ATRNL1: variants seen among roughly 807,000 people sequenced by gnomAD.
ATRNL1 encodes attractin-like protein 1.
A neutral mutation model predicts 182.7 loss-of-function variants in ATRNL1; 95 were observed. That is an observed-to-expected ratio of 0.52 (90% CI 0.44 to 0.62). The LOEUF is 0.62. Among genes scored for constraint, ATRNL1 ranks in the 20% least tolerant of loss-of-function variants. The pLI is 0.00. For synonymous variants in ATRNL1, 576 were observed against 568.3 expected, an observed-to-expected ratio of 1.01 and a Z score of -0.19; for missense variants, 1,471 against 1,679.5, an observed-to-expected ratio of 0.88 and a Z score of 2.17.
intron 20 of ATRNL1, among the ~76,000 whole-genome samples, chr10:115,415,007 G>A (rs1358566861): frequency 6.6e-6 from 1 of 151,936 alleles, no homozygotes; most frequent in African/African-American, 2.4e-5. Flanking sequence ...GAATAAACTC[G>A]TATGTATGTA....
chr10:115,868,828 T>TTTTTTTTTTTG (rs1951502810), intron 28 of ATRNL1, among the ~76,000 whole-genome samples: 1 of 96,620 alleles, frequency 1.0e-5, no homozygotes, highest in Non-Finnish European at 2.3e-5. Flanking sequence ...TATTCTTTTT[T>TTTTTTTTTTTG]TTTTTTTTTT....
At chr10:115,549,611 C>T in intron 26 of ATRNL1, 75 bp downstream of exon 26, 2 of 983,298 alleles carry the variant, frequency 2.0e-6, no homozygotes, top group South Asian at 4.1e-5. Context: ...TGTTAATTAC[C>T]ATGCTCTCTT....
intron 26 of ATRNL1, among the ~76,000 whole-genome samples, chr10:115,707,514 G>C (rs558912942): frequency 2.0e-5 from 3 of 151,162 alleles, no homozygotes; most frequent in African/African-American, 7.3e-5. Flanking sequence ...CCATCTCCCC[G>C]TATCCCCCAA....
At chr10:115,894,055 T>C (rs1287025582) in intron 28 of ATRNL1, among the ~76,000 whole-genome samples, 1 of 152,170 alleles carries the variant, frequency 6.6e-6, no homozygotes, top group Non-Finnish European at 1.5e-5. Flanking sequence ...AAGACTTCAG[T>C]TGGCAAGGAA....
chr10:115,924,864 T>C (rs1434863723), intron 28 of ATRNL1, among the ~76,000 whole-genome samples: 1 of 152,224 alleles, frequency 6.6e-6, no homozygotes, highest in Non-Finnish European at 1.5e-5. Context: ...CGATATTGAT[T>C]CTTCCTATCC....
At chr10:115,228,871 T>C (rs1404890748) in intron 9 of ATRNL1, among the ~76,000 whole-genome samples, 1 of 151,624 alleles carries the variant, frequency 6.6e-6, no homozygotes, top group African/African-American at 2.4e-5. Flanking sequence ...GTTCAAGTGA[T>C]TCTCTTGCCT....
At chr10:115,638,242 G>A (rs1192237092) in intron 26 of ATRNL1, among the ~76,000 whole-genome samples, 1 of 152,072 alleles carries the variant, frequency 6.6e-6, no homozygotes, top group East Asian at 1.9e-4. Flanking sequence ...TATTACAATT[G>A]CCTACAGTCT....
intron 26 of ATRNL1, among the ~76,000 whole-genome samples, chr10:115,634,673 T>C (rs1858745348): frequency 1.3e-5 from 2 of 152,170 alleles, no homozygotes. Context: ...AGAAAAATGC[T>C]TAATCTAAAA....
rs781952348 is a variant in ATRNL1, at chr10:115,266,828, G to T, written c.1804G>T (p.Val602Leu). 1.2e-5 allele frequency: 19 copies of T among 1,609,266 alleles called. No homozygotes were observed. The Admixed American group carries it at 2.5e-4, about 21-fold the overall frequency. Residue 602 changes from valine (V) to leucine (L), a missense_variant, in exon 12 of 29, where the codon GTA (valine) becomes TTA (leucine). Val to Leu is a conservative substitution (Grantham distance 32, BLOSUM62 1). This residue lies in a region of ATRNL1 where 1,031 missense variants were observed against 1,156.0 expected (regional missense o/e 0.89). Coordinates refer to ENST00000355044, the MANE Select transcript of ATRNL1 (RefSeq NM_207303.4). ...GTATATATTTGGGGGATTTTCTAGT[G>T]TACTCCTTAATGATATCCTTGTATA... ...SMYIFGGFSS[V>L]LLNDILVYKP...
chr10:115,634,447 G>T (rs1437775678), intron 26 of ATRNL1, among the ~76,000 whole-genome samples: 6 of 152,040 alleles, frequency 3.9e-5, no homozygotes, highest in Admixed American at 2.0e-4. Context: ...TATGACTGAT[G>T]AAATTAATAC....
intron 25 of ATRNL1, among the ~76,000 whole-genome samples, chr10:115,519,918 ATT>A (rs1554984776): frequency 6.6e-6 from 1 of 152,150 alleles, no homozygotes; most frequent in African/African-American, 2.4e-5. Flanking sequence ...TTCAGGGAAC[ATT>A]TATTTTCATT....
chr10:115,109,045 A>G (rs1554867021), intron 1 of ATRNL1, among the ~76,000 whole-genome samples: 1 of 152,152 alleles, frequency 6.6e-6, no homozygotes, highest in African/African-American at 2.4e-5. Flanking sequence ...TATTCTGATC[A>G]TAAGCACTAA....
At chr10:115,598,338 T>G (rs956953677) in intron 26 of ATRNL1, among the ~76,000 whole-genome samples, 5 of 145,086 alleles carry the variant, frequency 3.4e-5, no homozygotes, top group Non-Finnish European at 7.4e-5. Context: ...TTTACATTAT[T>G]TATTTAAAAA....
rs141500872 is a variant in ATRNL1, at chr10:115,113,459, A to G, written c.294-6726A>G. ...TATGGTTTGGCTGTGTCCCCACCCA[A>G]ATCTTATCTTGAATTACCACGTGTT... On this transcript the variant is annotated intron_variant, in intron 1 of 28. Coordinates refer to ENST00000355044, the MANE Select transcript of ATRNL1 (RefSeq NM_207303.4). 3.5e-4 allele frequency among the ~76,000 whole-genome samples: 53 copies of G among 152,190 alleles called. 1 individual carries two copies. Among genetic ancestry groups the G allele is most frequent in the African/African-American group, 1.2e-3 (49 of 41,524 alleles).
At chr10:115,575,752 T>G (rs1854662918) in intron 26 of ATRNL1, among the ~76,000 whole-genome samples, 1 of 152,058 alleles carries the variant, frequency 6.6e-6, no homozygotes, top group Non-Finnish European at 1.5e-5. Context: ...TTTTTTGTGG[T>G]AAGAGCACCT....
intron 26 of ATRNL1, among the ~76,000 whole-genome samples, chr10:115,712,881 A>T (rs1039812302): frequency 6.6e-6 from 1 of 151,182 alleles, no homozygotes; most frequent in Non-Finnish European, 1.5e-5. Flanking sequence ...AAAAAAAAAG[A>T]AAAAAAAATT....
chr10:115,519,086 A>G (rs1167973589), intron 24 of ATRNL1, among the ~76,000 whole-genome samples, 177 bp from the exon 25 acceptor site: 1 of 152,036 alleles, frequency 6.6e-6, no homozygotes, highest in Non-Finnish European at 1.5e-5. Context: ...CATCATTAGC[A>G]GTTGGATATA....
intron 21 of ATRNL1, among the ~76,000 whole-genome samples, chr10:115,429,930 G>A (rs951886758): frequency 6.6e-6 from 1 of 152,062 alleles, no homozygotes; most frequent in Non-Finnish European, 1.5e-5. Context: ...AATTAGCCGG[G>A]CGTGGTGGCG....
At chr10:115,559,443 T>TGTGTGTGTGTGCGCGC (rs200694810) in intron 26 of ATRNL1, among the ~76,000 whole-genome samples, 4 of 77,862 alleles carry the variant, frequency 5.1e-5, no homozygotes, top group South Asian at 3.4e-4. Flanking sequence ...TGTGTGTGTG[T>TGTGTGTGTGTGCGCGC]GCGCGCGCGC....
Sources: gnomAD v4.1 joint callset for allele counts (sites outside exome capture counted in the v4.1 genomes callset) on GRCh38, gnomAD v4.1.1 for gene constraint, gnomAD v4.1.1 regional missense constraint, MANE v1.5 for transcripts, NCBI Gene and HGNC (gene_info 2026-07-23, HGNC 2026-07-21) for gene names.